Variants in MAGI3 observed in about 807,000 individuals in gnomAD.
The protein encoded by MAGI3 is membrane associated guanylate kinase, WW and PDZ domain containing 3, also known as membrane-associated guanylate kinase, WW and PDZ domain-containing protein 3.
A neutral mutation model predicts 121.8 loss-of-function variants in MAGI3; 43 were observed. The ratio of observed to expected loss-of-function variants is 0.35; its 90% CI spans 0.28 to 0.46. MAGI3 has a LOEUF of 0.46. Among genes scored for constraint, MAGI3 ranks in the 20% least tolerant of loss-of-function variants. The probability of loss-of-function intolerance (pLI) is 1.00; values close to 1 mark genes in which losing one functional copy is unlikely to be tolerated. For missense variants in MAGI3, 1,547 were observed against 1,797.3 expected (o/e 0.86, Z 2.52); for synonymous variants, 553 against 639.3 (o/e 0.86, Z 2.04).
At chr1:113,441,130 A>G (rs927106901) in intron 1 of MAGI3, among the ~76,000 whole-genome samples, 1 of 152,084 alleles carries the variant, frequency 6.6e-6, no homozygotes, top group African/African-American at 2.4e-5. Context: ...TATAGCTTCA[A>G]TGTCAACTTC....
chr1:113,436,189 G>T (rs2101437710), intron 1 of MAGI3, among the ~76,000 whole-genome samples: 2 of 152,116 alleles, frequency 1.3e-5, no homozygotes, highest in South Asian at 4.2e-4. Context: ...TCAGAACAGG[G>T]CTGAATAACA....
chr1:113,477,111 C>T (rs964746817), intron 1 of MAGI3, among the ~76,000 whole-genome samples: 2 of 151,798 alleles, frequency 1.3e-5, no homozygotes, highest in African/African-American at 2.4e-5. Flanking sequence ...ATTTTGAGCC[C>T]GTGTGCATCT....
intron 2 of MAGI3, among the ~76,000 whole-genome samples, chr1:113,551,239 A>G (rs927017876): frequency 6.6e-6 from 1 of 152,182 alleles, no homozygotes; most frequent in Admixed American, 6.5e-5. Context: ...ATGAGAGCAT[A>G]TATGTAAACT....
intron 1 of MAGI3, among the ~76,000 whole-genome samples, chr1:113,475,884 A>C (rs1222054476): frequency 6.6e-6 from 1 of 152,040 alleles, no homozygotes; most frequent in Non-Finnish European, 1.5e-5. Context: ...GTAGGCTATT[A>C]ATTTTTGCCT....
rs181703012 is a variant in MAGI3, at chr1:113,596,989, G to T, written c.1018+2429G>T. Among the ~76,000 whole-genome samples, 815 of 152,190 alleles carry T rather than the reference G, an allele frequency of 5.4e-3. 7 individuals carry two copies. Among genetic ancestry groups the T allele is most frequent in the African/African-American group, 0.019 (776 of 41,536 alleles). ...TCCTAGGTATCTACCCAAGAGGAATGAAAACAAAAGTCCTCATAAAGACTT... is the reference window on the plus strand; with the variant it reads ...TCCTAGGTATCTACCCAAGAGGAATTAAAACAAAAGTCCTCATAAAGACTT... On this transcript the variant is annotated intron_variant, in intron 6 of 20. Coordinates refer to ENST00000307546, the MANE Select transcript of MAGI3 (RefSeq NM_001142782.2).
At chr1:113,555,688 C>T (rs1172135003) in intron 2 of MAGI3, among the ~76,000 whole-genome samples, 1 of 151,792 alleles carries the variant, frequency 6.6e-6, no homozygotes, top group African/African-American at 2.4e-5. Flanking sequence ...TGCTTGAGGC[C>T]AGGAGTTTGA....
intron 6 of MAGI3, among the ~76,000 whole-genome samples, chr1:113,599,873 G>A (rs1388539961): frequency 2.4e-4 from 36 of 151,910 alleles, no homozygotes; most frequent in South Asian, 1.0e-3. Context: ...CTTATCCACC[G>A]TGATCAAGTG....
intron 1 of MAGI3, among the ~76,000 whole-genome samples, chr1:113,521,109 C>A (rs1375661180): frequency 2.8e-5 from 4 of 140,644 alleles, no homozygotes; most frequent in Non-Finnish European, 3.1e-5. Context: ...TTTTTTGAGA[C>A]AAAGTCTCGC....
chr1:113,460,094 TG>T (rs1227177847), intron 1 of MAGI3, among the ~76,000 whole-genome samples: 1 of 152,196 alleles, frequency 6.6e-6, no homozygotes, highest in African/African-American at 2.4e-5. Flanking sequence ...GCTTCATCCC[TG>T]GGATGCAAGA....
At chr1:113,598,072 C>A (rs1161729146) in intron 6 of MAGI3, among the ~76,000 whole-genome samples, 2 of 152,046 alleles carry the variant, frequency 1.3e-5, no homozygotes, top group Non-Finnish European at 2.9e-5. Context: ...ATTAGCCAGA[C>A]ATGGTGGTGG....
chr1:113,453,198 T>C (rs924007652), intron 1 of MAGI3, among the ~76,000 whole-genome samples: 1 of 152,116 alleles, frequency 6.6e-6, no homozygotes, highest in Non-Finnish European at 1.5e-5. Flanking sequence ...ATTACATAAA[T>C]TGATATAAAT....
chr1:113,411,418 C>T, intron 1 of MAGI3, among the ~76,000 whole-genome samples: 1 of 151,730 alleles, frequency 6.6e-6, no homozygotes. Context: ...GCATCTCTTA[C>T]TGTATTTTTT....
chr1:113,664,972 A>G (rs541579895), intron 16 of MAGI3, among the ~76,000 whole-genome samples: 1 of 152,230 alleles, frequency 6.6e-6, no homozygotes, highest in African/African-American at 2.4e-5. Flanking sequence ...ACCCTTTATT[A>G]TACAGAAATT....
intron 1 of MAGI3, among the ~76,000 whole-genome samples, chr1:113,455,558 T>C (rs987892292): frequency 3.3e-5 from 5 of 152,114 alleles, no homozygotes; most frequent in Non-Finnish European, 4.4e-5. Context: ...TTGATCTTCT[T>C]TCTGTTCATC....
chr1:113,407,270 T>C (rs944834535), intron 1 of MAGI3, among the ~76,000 whole-genome samples: 1 of 152,174 alleles, frequency 6.6e-6, no homozygotes. Context: ...CTTGGACTTA[T>C]AAGAATAGTG....
intron 1 of MAGI3, among the ~76,000 whole-genome samples, chr1:113,461,246 C>T (rs868799770): frequency 2.6e-5 from 4 of 152,060 alleles, no homozygotes; most frequent in East Asian, 1.9e-4. Flanking sequence ...AAAACCCTTA[C>T]GGAACCAAAA....
intron 1 of MAGI3, chr1:113,450,265 T>A (rs1654410809): frequency 1.2e-6 from 2 of 1,602,144 alleles, no homozygotes; most frequent in East Asian, 4.5e-5. Context: ...GTCTGCTGGA[T>A]CACAGAGAGG....
At chr1:113,403,816 A>G (rs1651534100) in intron 1 of MAGI3, 1 of 152,204 alleles carries the variant, frequency 6.6e-6, no homozygotes, top group African/African-American at 2.4e-5. Context: ...AATACTAGCT[A>G]TAAAGGAGTC....
intron 2 of MAGI3, among the ~76,000 whole-genome samples, chr1:113,550,642 G>T (rs1659742525): frequency 6.6e-6 from 1 of 151,314 alleles, no homozygotes; most frequent in Non-Finnish European, 1.5e-5. Flanking sequence ...TGTAATCTCA[G>T]CTACTTGGGA....
Sources: gnomAD v4.1 joint callset for allele counts (sites outside exome capture counted in the v4.1 genomes callset) on GRCh38, gnomAD v4.1.1 for gene constraint, MANE v1.5 for transcripts, NCBI Gene and HGNC (gene_info 2026-07-23, HGNC 2026-07-21) for gene names.